WWC2: variants seen among roughly 807,000 people sequenced by gnomAD.
WWC2 encodes WW and C2 domain containing 2, also known as protein WWC2.
A neutral mutation model predicts 138.5 loss-of-function variants in WWC2; 101 were observed. The ratio of observed to expected loss-of-function variants is 0.73; its 90% CI spans 0.62 to 0.86. The LOEUF (loss-of-function observed/expected upper bound fraction) is 0.86. WWC2 is among the 40% of genes least tolerant of loss of function. The pLI is 0.00. For synonymous variants in WWC2, 558 were observed against 538.4 expected (o/e 1.04, Z -0.50); for missense variants, 1,420 against 1,419.4 (o/e 1.00, Z -0.01).
At chr4:183,159,162 G>A (rs933208202) in intron 1 of WWC2, among the ~76,000 whole-genome samples, 1 of 152,158 alleles carries the variant, frequency 6.6e-6, no homozygotes, top group Non-Finnish European at 1.5e-5. Context: ...CAAATTTTGT[G>A]TTTTTAAAAC....
At chr4:183,156,744 C>T (rs537872471) in intron 1 of WWC2, among the ~76,000 whole-genome samples, 1 of 152,302 alleles carries the variant, frequency 6.6e-6, no homozygotes, top group African/African-American at 2.4e-5. Context: ...TACAATTTAT[C>T]TTTTGCTCTT....
intron 1 of WWC2, among the ~76,000 whole-genome samples, chr4:183,153,943 C>A (rs778618582): frequency 2.0e-5 from 3 of 146,556 alleles, no homozygotes; most frequent in Non-Finnish European, 4.4e-5. Flanking sequence ...TGTGCCTGGC[C>A]CAAACAGTCA....
In WWC2 at chr4:183,289,435, C is replaced by T. The variant is rs746306994; in HGVS notation, c.3184C>T (p.Pro1062Ser). The T allele has an allele frequency of 6.2e-7, 1 of 1,612,338 alleles. No individual in the cohort carries two copies. The highest frequency in any genetic ancestry group is 1.7e-5 in the Admixed American group (1 of 59,752). ...CCTTAGAAGAACAACACAGGAATGC[C>T]CAGTGCGGACATCTCTAGACTTAGA... ...SVLRRTTQEC[P>S]VRTSLDLELD... The change falls in exon 21 of 23, where the codon CCA becomes TCA. Residue 1062 changes from proline to serine, a missense_variant. Pro to Ser is a moderately conservative substitution (Grantham distance 74). Transcript: ENST00000403733.
intron 1 of WWC2, among the ~76,000 whole-genome samples, chr4:183,159,713 C>A (rs1400982829): frequency 1.5e-4 from 21 of 142,088 alleles, no homozygotes; most frequent in Non-Finnish European, 2.6e-4. Context: ...CTGAACTTAC[C>A]TTTTTTTTTT....
intron 1 of WWC2, among the ~76,000 whole-genome samples, chr4:183,144,327 A>G (rs912474742): frequency 5.9e-5 from 9 of 152,174 alleles, no homozygotes; most frequent in Admixed American, 5.2e-4. Flanking sequence ...ATGTAAGATT[A>G]TAGTTTGGTG....
chr4:183,238,771 G>A (rs1560859930), intron 4 of WWC2, among the ~76,000 whole-genome samples: 1 of 152,046 alleles, frequency 6.6e-6, no homozygotes, highest in Non-Finnish European at 1.5e-5. Context: ...GGCATATCTA[G>A]GTATCCTGAA....
At chr4:183,164,294 ATATATAC>A (rs1734050195) in intron 1 of WWC2, among the ~76,000 whole-genome samples, 6 of 17,164 alleles carry the variant, frequency 3.5e-4, no homozygotes, top group African/African-American at 1.2e-3. Flanking sequence ...ATATATATAT[ATATATAC>A]ATATATATAT....
intron 14 of WWC2, among the ~76,000 whole-genome samples, chr4:183,267,530 A>G (rs1047123220): frequency 5.3e-5 from 8 of 152,350 alleles, no homozygotes; most frequent in Middle Eastern, 3.4e-3. Context: ...CTAATGCACA[A>G]CTTCAGGAGA....
chr4:183,221,195 C>G (rs140652850), intron 4 of WWC2, among the ~76,000 whole-genome samples: 2 of 152,238 alleles, frequency 1.3e-5, no homozygotes, highest in East Asian at 3.9e-4. Context: ...AGAACAAGGA[C>G]TATTACTAGA....
At chr4:183,138,443 T>A in intron 1 of WWC2, among the ~76,000 whole-genome samples, 1 of 152,336 alleles carries the variant, frequency 6.6e-6, no homozygotes, top group South Asian at 2.1e-4. Flanking sequence ...GCAGACCAAG[T>A]CTGGCCTGGT....
chr4:183,179,137 A>G (rs1734548308), intron 1 of WWC2, among the ~76,000 whole-genome samples: 1 of 152,174 alleles, frequency 6.6e-6, no homozygotes, highest in Non-Finnish European at 1.5e-5. Context: ...AAAAAAGTAA[A>G]CTTCAGAACG....
chr4:183,234,321 C>G (rs191007873), intron 4 of WWC2, among the ~76,000 whole-genome samples: 31 of 152,220 alleles, frequency 2.0e-4, no homozygotes, highest in African/African-American at 5.5e-4. Context: ...ATTTAGCACT[C>G]TGGGTTGTGA....
intron 4 of WWC2, among the ~76,000 whole-genome samples, chr4:183,239,104 C>G (rs2111307470): frequency 6.6e-6 from 1 of 152,280 alleles, no homozygotes; most frequent in South Asian, 2.1e-4. Context: ...CGCTTGAGCC[C>G]TGGAGTTCGA....
At chr4:183,169,552 G>T (rs1241073366) in intron 1 of WWC2, among the ~76,000 whole-genome samples, 1 of 152,108 alleles carries the variant, frequency 6.6e-6, no homozygotes, top group Non-Finnish European at 1.5e-5. Flanking sequence ...GGGATTACGT[G>T]TGTGAGCCAC....
rs575947663 is a variant in WWC2 at position 183,124,362 on chromosome 4, T to C, written c.131+24740T>C. Among the ~76,000 whole-genome samples, 6 of 152,052 alleles carry C rather than the reference T, an allele frequency of 3.9e-5. No homozygotes were observed. In the East Asian group the frequency reaches 1.2e-3, roughly 29 times the overall value. On this transcript the variant is annotated intron_variant, in intron 1 of 22. Transcript: ENST00000403733. ...ATAGCTTTATGTATTTGTGCTTTTT[T>C]CTTTTTTTTTTCCTTTCTCTAGTTC...
intron 1 of WWC2, among the ~76,000 whole-genome samples, chr4:183,147,063 C>A (rs570160592): frequency 1.3e-5 from 2 of 152,316 alleles, no homozygotes; most frequent in South Asian, 4.1e-4. Context: ...GAGGCCCAAG[C>A]CATGAACAAG....
At chr4:183,290,802 A>G (rs1320394307) in intron 21 of WWC2, among the ~76,000 whole-genome samples, 1 of 152,208 alleles carries the variant, frequency 6.6e-6, no homozygotes, top group Non-Finnish European at 1.5e-5. Flanking sequence ...ACTAACAGAA[A>G]ATCTTGTCTA....
chr4:183,310,684 T>C (rs898450897), intron 21 of WWC2, among the ~76,000 whole-genome samples: 29 of 150,752 alleles, frequency 1.9e-4, no homozygotes, highest in African/African-American at 7.1e-4. Flanking sequence ...TTTTTTTTTT[T>C]CATAGAGAGA....
chr4:183,289,699 G>A, intron 21 of WWC2, 64 bp downstream of exon 21: 1 of 1,570,454 alleles, frequency 6.4e-7, no homozygotes, highest in South Asian at 1.2e-5. Flanking sequence ...GTGCCATGTA[G>A]AAGGTACCCA....
Sources: gnomAD v4.1 joint callset for allele counts (sites outside exome capture counted in the v4.1 genomes callset) on GRCh38, gnomAD v4.1.1 for gene constraint, MANE v1.5 for transcripts, NCBI Gene and HGNC (gene_info 2026-07-23, HGNC 2026-07-21) for gene names.